Variants in LHFPL6 observed in about 807,000 individuals in gnomAD.
LHFPL6 encodes the protein LHFPL tetraspan subfamily member 6 protein.
A neutral mutation model predicts 20.6 loss-of-function variants in LHFPL6; 9 were observed. The ratio of observed to expected loss-of-function variants is 0.44; its 90% CI spans 0.26 to 0.76. The LOEUF (loss-of-function observed/expected upper bound fraction) is 0.76, where lower values mean the gene tolerates loss of function less well. LHFPL6 is among the 30% of genes least tolerant of loss of function. The probability of loss-of-function intolerance (pLI) is 0.20; values close to 1 mark genes in which losing one functional copy is unlikely to be tolerated. For missense variants in LHFPL6, 218 were observed against 253.5 expected, an observed-to-expected ratio of 0.86 and a Z score of 0.95; for synonymous variants, 105 against 98.7, an observed-to-expected ratio of 1.06 and a Z score of -0.38.
chr13:39,371,389 T>G (rs1047718422), intron 3 of LHFPL6, among the ~76,000 whole-genome samples: 3 of 152,230 alleles, frequency 2.0e-5, no homozygotes, highest in African/African-American at 4.8e-5. Flanking sequence ...GCCCTTATGC[T>G]TAATGGGTAA....
intron 2 of LHFPL6, among the ~76,000 whole-genome samples, chr13:39,457,422 A>G (rs1872596449): frequency 1.3e-5 from 2 of 152,230 alleles, no homozygotes; most frequent in Admixed American, 6.5e-5. Context: ...TGAAATCACA[A>G]TGAGATATCA....
chr13:39,475,517 A>C (rs2138440372), intron 2 of LHFPL6, among the ~76,000 whole-genome samples: 1 of 152,252 alleles, frequency 6.6e-6, no homozygotes, highest in East Asian at 1.9e-4. Flanking sequence ...GTCAGAATAC[A>C]ATGATTTAAC....
At chr13:39,362,566 C>G (rs1238191619) in intron 3 of LHFPL6, among the ~76,000 whole-genome samples, 1 of 152,170 alleles carries the variant, frequency 6.6e-6, no homozygotes, top group Non-Finnish European at 1.5e-5. Flanking sequence ...AATCAATAAA[C>G]ATATTGACCA....
chr13:39,497,216 T>G (rs1318930699), intron 2 of LHFPL6, among the ~76,000 whole-genome samples: 1 of 152,132 alleles, frequency 6.6e-6, no homozygotes, highest in African/African-American at 2.4e-5. Flanking sequence ...TTTATGGTAA[T>G]GCTTAGAAAA....
At chr13:39,449,965 C>T (rs944683050) in intron 2 of LHFPL6, among the ~76,000 whole-genome samples, 2 of 152,148 alleles carry the variant, frequency 1.3e-5, no homozygotes, top group African/African-American at 4.8e-5. Context: ...ATCTGACAAT[C>T]TCATATATTT....
chr13:39,553,496 G>C (rs893511095), intron 2 of LHFPL6, among the ~76,000 whole-genome samples: 4 of 152,132 alleles, frequency 2.6e-5, no homozygotes, highest in African/African-American at 9.7e-5. Context: ...AGGATCCCTT[G>C]AGCTCAGGAG....
intron 2 of LHFPL6, among the ~76,000 whole-genome samples, chr13:39,409,798 GAAAGA>G (rs769442352): frequency 7.4e-4 from 112 of 152,290 alleles, no homozygotes; most frequent in Admixed American, 2.5e-3. Context: ...AGGAAAGGAA[GAAAGA>G]AAAGGAAAAG....
intron 2 of LHFPL6, among the ~76,000 whole-genome samples, chr13:39,510,196 A>C (rs9315695): frequency 0.25 from 38,535 of 151,968 alleles, 5,593 homozygotes; most frequent in African/African-American, 0.41. Context: ...TTCACGTGAG[A>C]GTAAAAACTA....
chr13:39,389,494 AC>A (rs888575320), intron 2 of LHFPL6, among the ~76,000 whole-genome samples: 7 of 152,326 alleles, frequency 4.6e-5, no homozygotes, highest in African/African-American at 1.4e-4. Flanking sequence ...AAGCTTTGGA[AC>A]CAGAGAGTGA....
At chr13:39,508,854 T>C (rs903778935) in intron 2 of LHFPL6, among the ~76,000 whole-genome samples, 6 of 152,210 alleles carry the variant, frequency 3.9e-5, no homozygotes, top group African/African-American at 1.4e-4. Context: ...CTTTAGTAGA[T>C]ACCTATGAAT....
chr13:39,601,790 T>C (rs935991025), intron 1 of LHFPL6, among the ~76,000 whole-genome samples: 1 of 152,220 alleles, frequency 6.6e-6, no homozygotes, highest in African/African-American at 2.4e-5. Context: ...TTCATGCTCA[T>C]AGTTTGTTGC....
chr13:39,577,292 A>C (rs866662079), intron 2 of LHFPL6, among the ~76,000 whole-genome samples: 3 of 152,134 alleles, frequency 2.0e-5, no homozygotes, highest in Non-Finnish European at 4.4e-5. Flanking sequence ...AACAGGCTAC[A>C]CCCTAAGTGA....
At chr13:39,439,018 G>A (rs1454641205) in intron 2 of LHFPL6, among the ~76,000 whole-genome samples, 3 of 152,082 alleles carry the variant, frequency 2.0e-5, no homozygotes, top group Non-Finnish European at 2.9e-5. Context: ...GTGAAAAGAG[G>A]GCCACCATCC....
At chr13:39,460,044 C>T (rs576778395) in intron 2 of LHFPL6, among the ~76,000 whole-genome samples, 1 of 137,566 alleles carries the variant, frequency 7.3e-6, no homozygotes, top group South Asian at 2.5e-4. Flanking sequence ...CCCTCCCCTT[C>T]TTAACTTACC....
At chr13:39,528,629 T>C (rs1363311699) in intron 2 of LHFPL6, among the ~76,000 whole-genome samples, 4 of 152,224 alleles carry the variant, frequency 2.6e-5, no homozygotes, top group Non-Finnish European at 5.9e-5. Context: ...CTAAAAATGA[T>C]TTCCATTTTA....
At chr13:39,418,447 G>A (rs928308089) in intron 2 of LHFPL6, among the ~76,000 whole-genome samples, 2 of 138,534 alleles carry the variant, frequency 1.4e-5, no homozygotes, top group African/African-American at 2.8e-5. Context: ...AATTGGCCAT[G>A]TCTAACTTTT....
chr13:39,375,091 A>C (rs2138356713), intron 3 of LHFPL6, among the ~76,000 whole-genome samples: 1 of 152,354 alleles, frequency 6.6e-6, no homozygotes, highest in South Asian at 2.1e-4. Flanking sequence ...TAATAACATT[A>C]ACATTTCACA....
chr13:39,449,083 G>A (rs1424411796), intron 2 of LHFPL6, among the ~76,000 whole-genome samples: 1 of 152,178 alleles, frequency 6.6e-6, no homozygotes, highest in Non-Finnish European at 1.5e-5. Context: ...GGTGCTACTG[G>A]CCTCACAAGC....
chr13:39,486,058 T>C (rs1023247944), intron 2 of LHFPL6, among the ~76,000 whole-genome samples: 3 of 152,122 alleles, frequency 2.0e-5, no homozygotes, highest in Admixed American at 6.5e-5. Context: ...GCTGGGCCAG[T>C]AAGGGTCGAA....
Sources: gnomAD v4.1 joint callset for allele counts (sites outside exome capture counted in the v4.1 genomes callset) on GRCh38, gnomAD v4.1.1 for gene constraint, MANE v1.5 for transcripts, NCBI Gene and HGNC (gene_info 2026-07-23, HGNC 2026-07-21) for gene names.